ZNF714: variants seen among roughly 807,000 people sequenced by gnomAD.
ZNF714 encodes zinc finger protein 714.
ZNF714 carries 32 observed loss-of-function variants against 46.2 expected under a neutral mutation model. The ratio of observed to expected loss-of-function variants is 0.69; its 90% CI spans 0.52 to 0.93. The LOEUF (loss-of-function observed/expected upper bound fraction) is 0.93. ZNF714 is among the 40% of genes least tolerant of loss of function. ZNF714 has a pLI of 0.00. For synonymous variants in ZNF714, 199 were observed against 213.1 expected (o/e 0.93, Z 0.58); for missense variants, 635 against 646.3 (o/e 0.98, Z 0.19).
At chr19:21,082,656 A>T (rs8100599) in intron 1 of ZNF714, among the ~76,000 whole-genome samples, 6 of 151,962 alleles carry the variant, frequency 3.9e-5, no homozygotes, top group South Asian at 4.1e-4. Flanking sequence ...GGAGGGTCCC[A>T]GGGGTAGAAT....
chr19:21,100,369 A>G (rs1969148542), intron 4 of ZNF714, among the ~76,000 whole-genome samples: 1 of 151,828 alleles, frequency 6.6e-6, no homozygotes, highest in Admixed American at 6.6e-5. Flanking sequence ...CTAAAAATAC[A>G]AAAGTGGCTG....
At chr19:21,115,593 C>T (rs1969577009) in intron 4 of ZNF714, among the ~76,000 whole-genome samples, 1 of 151,694 alleles carries the variant, frequency 6.6e-6, no homozygotes, top group South Asian at 2.1e-4. Flanking sequence ...TTCCTTCTGG[C>T]CTGCAAAGCT....
chr19:21,102,084 G>T (rs1329601891), intron 4 of ZNF714, among the ~76,000 whole-genome samples: 1 of 151,898 alleles, frequency 6.6e-6, no homozygotes. Flanking sequence ...TGTGAGCCAT[G>T]ATACCTGGCT....
chr19:21,101,414 A>G (rs10406661), intron 4 of ZNF714, among the ~76,000 whole-genome samples: 124,582 of 152,082 alleles, frequency 0.82, 52,985 homozygotes, highest in Middle Eastern at 0.93. Flanking sequence ...TTGGGTAATC[A>G]TAATTTCCAT....
Position 21,091,274 on chromosome 19 carries a change from G to A in ZNF714, c.-84-6911G>A, listed in dbSNP as rs71339730. 2.6e-5 allele frequency: 4 copies of A among 152,316 alleles called. No homozygotes were observed. The South Asian group carries it at 6.2e-4, about 24-fold the overall frequency. 9.4% of individuals were successfully genotyped at this position (152,316 alleles called of 1,614,324 possible). A position where few individuals can be genotyped will look rare whatever the true frequency, so the allele number is the denominator to read the frequency against. On this transcript the variant is annotated intron_variant, in intron 2 of 4. Transcript: ENST00000456283. Reference sequence around the variant, plus strand: ...ATAGCACTGGTGGGAGTATAGCAGAGAGGATGACCATAGGTCACTCTCATC... The same window carrying A: ...ATAGCACTGGTGGGAGTATAGCAGAAAGGATGACCATAGGTCACTCTCATC...
intron 2 of ZNF714, among the ~76,000 whole-genome samples, 165 bp downstream of exon 2, chr19:21,084,234 GA>G (rs909314546): frequency 2.4e-4 from 36 of 147,166 alleles, no homozygotes; most frequent in African/African-American, 8.5e-4. Context: ...GACCAAAAAA[GA>G]AAAAAAAAAT....
At chr19:21,102,014 G>A (rs1264462817) in intron 4 of ZNF714, among the ~76,000 whole-genome samples, 1 of 152,114 alleles carries the variant, frequency 6.6e-6, no homozygotes, top group Non-Finnish European at 1.5e-5. Flanking sequence ...GGGCTGGTCT[G>A]GAAATCCTGG....
chr19:21,109,159 T>C (rs1407981041), intron 4 of ZNF714, among the ~76,000 whole-genome samples: 1 of 152,198 alleles, frequency 6.6e-6, no homozygotes, highest in Admixed American at 6.6e-5. Context: ...GAGTCTCTTA[T>C]AGACAGCAAA....
chr19:21,105,913 C>A (rs1342123898), intron 4 of ZNF714, among the ~76,000 whole-genome samples: 1 of 151,828 alleles, frequency 6.6e-6, no homozygotes, highest in Non-Finnish European at 1.5e-5. Flanking sequence ...CGAGATCATG[C>A]CACTGCACTC....
At chr19:21,093,532 GT>G (rs368209168) in intron 2 of ZNF714, among the ~76,000 whole-genome samples, 11,517 of 150,490 alleles carry the variant, frequency 0.077, 501 homozygotes, top group Non-Finnish European at 0.087. Flanking sequence ...CGCCCAGCTT[GT>G]TTTTTTTTGT....
chr19:21,112,326 G>C (rs567890355), intron 4 of ZNF714, among the ~76,000 whole-genome samples: 19 of 152,086 alleles, frequency 1.2e-4, no homozygotes, highest in South Asian at 6.2e-4. Flanking sequence ...TGAAAGGATG[G>C]ATATGTCCAG....
intron 2 of ZNF714, among the ~76,000 whole-genome samples, chr19:21,087,343 C>T (rs1968807484): frequency 1.3e-5 from 2 of 151,046 alleles, no homozygotes; most frequent in South Asian, 2.1e-4. Context: ...ATTAGAATTA[C>T]AGGAGTTTCC....
intron 4 of ZNF714, among the ~76,000 whole-genome samples, chr19:21,108,320 T>C (rs1358955104): frequency 2.0e-5 from 3 of 152,226 alleles, no homozygotes; most frequent in African/African-American, 4.8e-5. Flanking sequence ...TGCTTTTAAC[T>C]GAAAAGTTTT....
chr19:21,090,905 A>G (rs1163132469), intron 2 of ZNF714: 5 of 53,288 alleles, frequency 9.4e-5, no homozygotes, highest in South Asian at 1.3e-3. Context: ...TTTTTTTTTG[A>G]GACAGGGTCG....
rs988486353 is a variant in ZNF714, at chr19:21,107,300, C to T, written c.142+8390C>T. Among the ~76,000 whole-genome samples, 8 of 151,234 alleles carry T rather than the reference C, an allele frequency of 5.3e-5. No individual in the cohort carries two copies. The South Asian group carries it at 8.4e-4, about 16-fold the overall frequency. ...TGTTGCCCAGGCTGGAGTACAATGG[C>T]GCAATCTTGGCTTACCGCAACCTCC... On this transcript the variant is annotated intron_variant, in intron 4 of 4. Coordinates refer to ENST00000456283, the MANE Select transcript of ZNF714 (RefSeq NM_182515.4).
intron 4 of ZNF714, among the ~76,000 whole-genome samples, chr19:21,104,098 T>G (rs1423327698): frequency 6.6e-6 from 1 of 152,222 alleles, no homozygotes; most frequent in African/African-American, 2.4e-5. Context: ...ATATACATAG[T>G]GGAATCATAC....
intron 2 of ZNF714, among the ~76,000 whole-genome samples, chr19:21,092,541 G>A (rs574890144): frequency 2.6e-5 from 4 of 152,160 alleles, no homozygotes; most frequent in Admixed American, 2.0e-4. Flanking sequence ...CAAAAACTCC[G>A]TCCACTTACA....
chr19:21,082,602 G>A (rs1313839424), intron 1 of ZNF714, among the ~76,000 whole-genome samples: 2 of 152,152 alleles, frequency 1.3e-5, no homozygotes, highest in Non-Finnish European at 2.9e-5. Context: ...GGGCAGCTCT[G>A]GACCCTCAGC....
At position 21,119,770 on chromosome 19, in the gene ZNF714, G is replaced by T. The variant is rs1969677018; in HGVS notation, c.*1438G>T. 6.6e-6 allele frequency: 1 copy of T among 152,164 alleles called. No homozygotes were observed. The highest frequency in any genetic ancestry group is 2.4e-5 in the African/African-American group (1 of 41,424). 9.4% of individuals were successfully genotyped at this position (152,164 alleles called of 1,614,324 possible). On this transcript the variant is annotated 3_prime_UTR_variant, in exon 5 of 5. Transcript: ENST00000456283. ...AATACATAAGGCACTGACAACATCA[G>T]ATATACTAAATCAGAGGGCTGAGTA...
Sources: gnomAD v4.1 joint callset for allele counts (sites outside exome capture counted in the v4.1 genomes callset) on GRCh38, gnomAD v4.1.1 for gene constraint, MANE v1.5 for transcripts, NCBI Gene and HGNC (gene_info 2026-07-23, HGNC 2026-07-21) for gene names.